The following NSG1 variants were observed in gnomAD, a reference collection of about 807,000 sequenced individuals.
NSG1 encodes neuronal vesicle trafficking-associated protein 1.
A neutral mutation model predicts 19.3 loss-of-function variants in NSG1; 9 were observed. The ratio of observed to expected loss-of-function variants is 0.47; its 90% CI spans 0.28 to 0.81. The LOEUF (loss-of-function observed/expected upper bound fraction) is 0.81. NSG1 is among the 40% of genes least tolerant of loss of function. The probability of loss-of-function intolerance (pLI) is 0.11; values close to 1 mark genes in which losing one functional copy is unlikely to be tolerated. For missense variants in NSG1, 236 were observed against 242.4 expected (o/e 0.97, Z 0.18); for synonymous variants, 104 against 107.0 (o/e 0.97, Z 0.17).
rs768506762 is a variant in NSG1, at chr4:4,413,288, G to A, written c.357+3605G>A. On this transcript the variant is annotated intron_variant, in intron 4 of 4. Coordinates refer to ENST00000621129, the MANE Select transcript of NSG1 (RefSeq NM_014392.5). The stretch of plus-strand genomic sequence containing the variant: ...GGCATGTGGGCGGTAGTTTCTAGAA[G>A]GATGGTCCACATTGGAGGAGCGGGT... Among the ~76,000 whole-genome samples, 59 of 151,828 alleles carry A rather than the reference G, an allele frequency of 3.9e-4. 1 individual carries two copies. The highest frequency in any genetic ancestry group is 7.8e-4 in the Non-Finnish European group (53 of 67,940).
At chr4:4,416,908 A>T (rs146799372) in intron 4 of NSG1, among the ~76,000 whole-genome samples, 1 of 152,184 alleles carries the variant, frequency 6.6e-6, no homozygotes, top group Non-Finnish European at 1.5e-5. Context: ...ATATTTCATA[A>T]GTTGTTGTTT....
At chr4:4,415,731 C>G in intron 4 of NSG1, 1 of 187,520 alleles carries the variant, frequency 5.3e-6, no homozygotes, top group Non-Finnish European at 1.1e-5. Flanking sequence ...CGCCACTCCA[C>G]AGGTGTTGGC....
intron 4 of NSG1, 33 bp downstream of exon 4, chr4:4,409,716 A>C: frequency 6.6e-7 from 1 of 1,505,104 alleles, no homozygotes; most frequent in Non-Finnish European, 9.3e-7. Flanking sequence ...AGGCCCTGGG[A>C]CGCCTTTGCA....
At chr4:4,390,197 C>T (rs755457784) in intron 2 of NSG1, among the ~76,000 whole-genome samples, 11 of 152,206 alleles carry the variant, frequency 7.2e-5, no homozygotes, top group Non-Finnish European at 1.6e-4. Flanking sequence ...CAGGGTGACA[C>T]CCAACCACTG....
intron 3 of NSG1, among the ~76,000 whole-genome samples, chr4:4,405,054 G>A (rs1014704100): frequency 2.0e-5 from 3 of 152,152 alleles, no homozygotes; most frequent in Non-Finnish European, 4.4e-5. Context: ...GGGACTCAGA[G>A]CAACAGAAAT....
intron 3 of NSG1, among the ~76,000 whole-genome samples, chr4:4,396,911 G>A (rs1174752157): frequency 6.6e-6 from 1 of 152,102 alleles, no homozygotes; most frequent in African/African-American, 2.4e-5. Context: ...GTGTGTGGAC[G>A]CCCCCTCACC....
intron 3 of NSG1, among the ~76,000 whole-genome samples, chr4:4,396,292 A>T (rs2108731116): frequency 6.6e-6 from 1 of 152,200 alleles, no homozygotes; most frequent in African/African-American, 2.4e-5. Context: ...GTCATCAGAC[A>T]GGTGACAGGA....
intron 2 of NSG1, 59 bp from the exon 3 acceptor site, chr4:4,391,416 C>G: frequency 1.7e-6 from 2 of 1,166,398 alleles, no homozygotes; most frequent in South Asian, 1.4e-5. Context: ...CAGACCCACC[C>G]TCTTTGGGCA....
chr4:4,412,131 A>G (rs1724240388), intron 4 of NSG1, among the ~76,000 whole-genome samples: 1 of 152,190 alleles, frequency 6.6e-6, no homozygotes, highest in South Asian at 2.1e-4. Context: ...TGGGGCCACC[A>G]TGGCATGTGG....
chr4:4,392,106 C>T (rs1488726050), intron 3 of NSG1, among the ~76,000 whole-genome samples: 2 of 152,024 alleles, frequency 1.3e-5, no homozygotes, highest in African/African-American at 4.8e-5. Flanking sequence ...CACAGCAGAG[C>T]CAGGATCTGA....
chr4:4,415,726 C>G, intron 4 of NSG1: 1 of 182,058 alleles, frequency 5.5e-6, no homozygotes, highest in Non-Finnish European at 1.2e-5. Context: ...GGGGCCGCCA[C>G]TCCACAGGTG....
Position 4,416,212 on chromosome 4 carries a change from T to C in NSG1, c.358-1023T>C, listed in dbSNP as rs1442768413. The C allele has an allele frequency of 8.5e-6, 6 of 702,210 alleles. No homozygotes were observed. The South Asian group carries it at 8.9e-5, about 10-fold the overall frequency. The allele number at this position is 702,210 out of a possible 1,614,324, so 43.5% of individuals were successfully genotyped here. A position where few individuals can be genotyped will look rare whatever the true frequency, so the allele number is the denominator to read the frequency against. Reference sequence around the variant, plus strand: ...CCGCACGTGAACTCAGCTGGTACGGTGGGCCTGGCTCCAAAGCTTCCCTTC... The same window carrying C: ...CCGCACGTGAACTCAGCTGGTACGGCGGGCCTGGCTCCAAAGCTTCCCTTC... On this transcript the variant is annotated intron_variant, in intron 4 of 4. Transcript: ENST00000621129.
intron 3 of NSG1, among the ~76,000 whole-genome samples, chr4:4,407,917 T>C (rs991735335): frequency 2.0e-5 from 3 of 151,960 alleles, no homozygotes; most frequent in Non-Finnish European, 4.4e-5. Context: ...AGGGGGTGCA[T>C]AGGGGCCCCC....
chr4:4,411,481 C>A (rs544050266), intron 4 of NSG1, among the ~76,000 whole-genome samples: 1 of 152,116 alleles, frequency 6.6e-6, no homozygotes, highest in Non-Finnish European at 1.5e-5. Context: ...CAGTGGCTCA[C>A]GCCTGTAATC....
intron 4 of NSG1, among the ~76,000 whole-genome samples, chr4:4,411,362 C>G (rs879553407): frequency 2.0e-5 from 3 of 152,172 alleles, no homozygotes; most frequent in Non-Finnish European, 4.4e-5. Flanking sequence ...GGTCAGGATC[C>G]ACAGTATCAC....
At chr4:4,402,469 G>T (rs1723615797) in intron 3 of NSG1, among the ~76,000 whole-genome samples, 1 of 130,264 alleles carries the variant, frequency 7.7e-6, no homozygotes, top group South Asian at 2.7e-4. Flanking sequence ...CTCACTGCAA[G>T]CTCCGCCTTC....
chr4:4,408,757 G>T (rs1275518083), intron 3 of NSG1, among the ~76,000 whole-genome samples: 2 of 152,160 alleles, frequency 1.3e-5, no homozygotes, highest in Non-Finnish European at 2.9e-5. Flanking sequence ...ACCACGCCCA[G>T]CCCGTTTTGG....
intron 3 of NSG1, among the ~76,000 whole-genome samples, chr4:4,406,529 G>A (rs886858398): frequency 3.3e-5 from 5 of 152,230 alleles, no homozygotes; most frequent in African/African-American, 9.6e-5. Context: ...GCCCGGGCAG[G>A]CTGGCCCCGG....
chr4:4,388,103 G>A (rs1722830096), intron 2 of NSG1, among the ~76,000 whole-genome samples: 1 of 152,240 alleles, frequency 6.6e-6, no homozygotes, highest in Admixed American at 6.5e-5. Flanking sequence ...GCTCTGGATC[G>A]GGGGTGAGCC....
Sources: allele counts gnomAD v4.1 joint callset (sites outside exome capture counted in the v4.1 genomes callset), GRCh38; gene constraint gnomAD v4.1.1; transcripts MANE v1.5; gene names NCBI Gene and HGNC (gene_info 2026-07-23, HGNC 2026-07-21).